Variants in CHODL observed in about 807,000 individuals in gnomAD.
CHODL encodes the protein transmembrane protein MT75.
CHODL carries 29 observed loss-of-function variants against 34.5 expected under a neutral mutation model. The ratio of observed to expected loss-of-function variants is 0.84; its 90% CI spans 0.63 to 1.15. The LOEUF (loss-of-function observed/expected upper bound fraction) is 1.15, where lower values mean the gene tolerates loss of function less well. CHODL is among the 50% of genes most tolerant of loss of function. CHODL has a pLI of 0.00. For missense variants in CHODL, 332 were observed against 332.5 expected (o/e 1.00, Z 0.01); for synonymous variants, 125 against 116.1 (o/e 1.08, Z -0.49).
intron 2 of CHODL, among the ~76,000 whole-genome samples, chr21:18,054,596 G>A (rs1438350915): frequency 1.3e-5 from 2 of 151,886 alleles, no homozygotes; most frequent in Admixed American, 6.6e-5. Context: ...TAGTTACCAG[G>A]GCATAGGGTG....
intron 2 of CHODL, among the ~76,000 whole-genome samples, chr21:18,220,468 A>T (rs74314500): frequency 0.038 from 5,782 of 151,558 alleles, 427 homozygotes; most frequent in East Asian, 0.35. Context: ...ACAATGTTTG[A>T]TTTCTTTTTC....
intron 1 of CHODL, among the ~76,000 whole-genome samples, chr21:17,953,086 C>T (rs979673398): frequency 3.9e-5 from 6 of 152,102 alleles, no homozygotes; most frequent in East Asian, 1.9e-4. Flanking sequence ...TGGGTGGGGA[C>T]ACAGAGCCAA....
intron 1 of CHODL, among the ~76,000 whole-genome samples, chr21:17,937,244 G>A (rs1364909067): frequency 6.6e-6 from 1 of 152,184 alleles, no homozygotes; most frequent in East Asian, 1.9e-4. Context: ...CAGAAGGAGA[G>A]GGGCAGGTGA....
rs75368142 is a variant in CHODL at position 18,161,642 on chromosome 21, C to T, written c.-44-94867C>T. Among the ~76,000 whole-genome samples the T allele has an allele frequency of 4.3e-3, 651 of 152,234 alleles. 7 individuals carry two copies. Among genetic ancestry groups the T allele is most frequent in the African/African-American group, 0.015 (623 of 41,540 alleles). ...GTGCATGCTGTTTGCTCTGATAGAACACATTGTTCACTTCTCTGTTTCTAC... is the reference window on the plus strand; with the variant it reads ...GTGCATGCTGTTTGCTCTGATAGAATACATTGTTCACTTCTCTGTTTCTAC... On this transcript the variant is annotated intron_variant, in intron 2 of 6. Transcript: ENST00000400127.
intron 1 of CHODL, among the ~76,000 whole-genome samples, chr21:18,015,835 T>C (rs1375516728): frequency 6.6e-6 from 1 of 152,154 alleles, no homozygotes; most frequent in Admixed American, 6.5e-5. Flanking sequence ...AGCTTTGAAC[T>C]TGAGAGAGAT....
chr21:18,223,831 G>C (rs942450324), intron 2 of CHODL, among the ~76,000 whole-genome samples: 1 of 151,926 alleles, frequency 6.6e-6, no homozygotes, highest in African/African-American at 2.4e-5. Flanking sequence ...ATACAAGAAG[G>C]CAGGGAATGA....
chr21:18,098,988 A>G (rs921391066), intron 2 of CHODL, among the ~76,000 whole-genome samples: 11 of 152,132 alleles, frequency 7.2e-5, no homozygotes, highest in Admixed American at 3.9e-4. Flanking sequence ...AAAGACAAAC[A>G]TCGTATATTC....
At chr21:18,034,695 A>G (rs2064289526) in intron 2 of CHODL, 1 of 152,070 alleles carries the variant, frequency 6.6e-6, no homozygotes, top group Non-Finnish European at 1.5e-5. Context: ...GTCAGCAGGC[A>G]ATCTGAATTT....
At chr21:18,162,457 C>G (rs1047335843) in intron 2 of CHODL, among the ~76,000 whole-genome samples, 7 of 151,734 alleles carry the variant, frequency 4.6e-5, no homozygotes, top group African/African-American at 1.5e-4. Flanking sequence ...CTCTCTCTCT[C>G]TGTGTATGTA....
intron 1 of CHODL, among the ~76,000 whole-genome samples, chr21:17,960,362 T>C (rs897866608): frequency 9.2e-5 from 14 of 152,212 alleles, no homozygotes; most frequent in Admixed American, 3.3e-4. Flanking sequence ...GTATGTTAGA[T>C]GATAGATTAA....
At chr21:18,253,888 G>C (rs2146806596) in intron 1 of CHODL, among the ~76,000 whole-genome samples, 1 of 152,184 alleles carries the variant, frequency 6.6e-6, no homozygotes, top group South Asian at 2.1e-4. Context: ...GAAACAGAGG[G>C]AACAACTCTT....
At chr21:18,243,732 CTAAAA>C (rs1180062413), upstream of CHODL, among the ~76,000 whole-genome samples, 1 of 152,034 alleles carries the variant, frequency 6.6e-6, no homozygotes, top group African/African-American at 2.4e-5. Flanking sequence ...TTTCCAAGTG[CTAAAA>C]TTTCTGATTC....
At chr21:18,076,537 A>C (rs974784301) in intron 2 of CHODL, among the ~76,000 whole-genome samples, 1 of 152,232 alleles carries the variant, frequency 6.6e-6, no homozygotes, top group Admixed American at 6.5e-5. Flanking sequence ...GTTGTTTATT[A>C]AAAAAGAAGC....
chr21:18,158,838 T>TAAAAAAAAAAAAA (rs11423104), intron 2 of CHODL, among the ~76,000 whole-genome samples: 1 of 121,216 alleles, frequency 8.2e-6, no homozygotes, highest in Non-Finnish European at 1.6e-5. Context: ...AACTCCGTCT[T>TAAAAAAAAAAAAA]AAAAAAAAAA....
intron 2 of CHODL, among the ~76,000 whole-genome samples, chr21:18,190,847 T>C (rs1175271245): frequency 6.6e-6 from 1 of 152,176 alleles, no homozygotes; most frequent in Non-Finnish European, 1.5e-5. Flanking sequence ...TGTAATATGA[T>C]GGTGAAATCC....
intron 1 of CHODL, among the ~76,000 whole-genome samples, chr21:17,962,863 A>G (rs982481982): frequency 2.0e-5 from 3 of 152,044 alleles, no homozygotes; most frequent in African/African-American, 7.2e-5. Context: ...GGAGATCGAG[A>G]CCATCCTGGC....
chr21:18,079,438 C>A (rs904164748), intron 2 of CHODL, among the ~76,000 whole-genome samples: 2 of 145,916 alleles, frequency 1.4e-5, no homozygotes, highest in African/African-American at 5.1e-5. Flanking sequence ...TTATATATCA[C>A]ACATATACCA....
At chr21:18,136,214 C>T (rs1239917083) in intron 2 of CHODL, among the ~76,000 whole-genome samples, 2 of 151,658 alleles carry the variant, frequency 1.3e-5, no homozygotes, top group Non-Finnish European at 2.9e-5. Context: ...CAAATATAAC[C>T]AACTGTTAGT....
At chr21:18,265,866 ACTGT>A in intron 5 of CHODL, 84 bp from the exon 6 acceptor site, 3 of 1,022,298 alleles carry the variant, frequency 2.9e-6, no homozygotes, top group Non-Finnish European at 4.3e-6. Context: ...TTCATAAATA[ACTGT>A]CTGAGATATC....
Sources: allele counts gnomAD v4.1 joint callset (sites outside exome capture counted in the v4.1 genomes callset), GRCh38; gene constraint gnomAD v4.1.1; transcripts MANE v1.5; gene names NCBI Gene and HGNC (gene_info 2026-07-23, HGNC 2026-07-21).